Variants in DOP1B observed in about 807,000 individuals in gnomAD.
The protein encoded by DOP1B is DOP1 leucine zipper like protein B.
A neutral mutation model predicts 233.5 loss-of-function variants in DOP1B; 174 were observed. The ratio of observed to expected loss-of-function variants is 0.75; its 90% CI spans 0.66 to 0.85. The LOEUF is 0.85. Ranked by LOEUF, DOP1B falls within the 40% of genes least tolerant of loss-of-function variation. The probability of loss-of-function intolerance (pLI) is 0.00; values close to 1 mark genes in which losing one functional copy is unlikely to be tolerated. For missense variants in DOP1B, 2,652 were observed against 2,846.6 expected (o/e 0.93, Z 1.56); for synonymous variants, 1,190 against 1,185.6 (o/e 1.00, Z -0.08).
At chr21:36,242,410 A>G (rs1485699740) in intron 18 of DOP1B, among the ~76,000 whole-genome samples, 6 of 152,084 alleles carry the variant, frequency 3.9e-5, no homozygotes, top group Non-Finnish European at 5.9e-5. Context: ...CCTGACCTCA[A>G]GTGATCCATG....
rs141435178 is a variant in DOP1B at position 36,261,128 on chromosome 21, G to T, written c.5315+396G>T. 1,034 of 986,176 alleles carry T rather than the reference G, an allele frequency of 1.0e-3. 5 individuals are homozygous for T. In the African/African-American group the frequency reaches 0.017, roughly 16 times the overall value. The allele number at this position is 986,176 out of a possible 1,614,324, so 61.1% of individuals were successfully genotyped here. ...ACCTGCAATCCCAGCACTTTGGGAG[G>T]TGGAGGCAGGCGGATCACTTGAGGC... On this transcript the variant is annotated intron_variant, in intron 24 of 36. Transcript: ENST00000691173.
At chr21:36,157,982 G>A (rs8132958) in intron 1 of DOP1B, among the ~76,000 whole-genome samples, 60,013 of 151,074 alleles carry the variant, frequency 0.4, 12,443 homozygotes, top group Admixed American at 0.48. Context: ...TTATTATTTT[G>A]AGACGAAGGT....
At chr21:36,257,630 AT>A in intron 23 of DOP1B, among the ~76,000 whole-genome samples, 1 of 152,156 alleles carries the variant, frequency 6.6e-6, no homozygotes, top group Non-Finnish European at 1.5e-5. Context: ...AGATAGATAG[AT>A]AGATAGATAG....
At chr21:36,212,978 C>T (rs1375037794) in intron 7 of DOP1B, among the ~76,000 whole-genome samples, 3 of 152,136 alleles carry the variant, frequency 2.0e-5, no homozygotes, top group Non-Finnish European at 2.9e-5. Context: ...GATGGGGTTT[C>T]GCCCTGTTGG....
chr21:36,160,048 T>G (rs995481990), intron 1 of DOP1B, among the ~76,000 whole-genome samples: 2 of 152,162 alleles, frequency 1.3e-5, no homozygotes, highest in African/African-American at 2.4e-5. Flanking sequence ...GTTTAGACAC[T>G]TAGTAGAGTG....
chr21:36,251,250 G>A lies in DOP1B; in HGVS notation c.5087G>A (p.Ser1696Asn), dbSNP rs1443752260. 2.5e-6 allele frequency: 4 copies of A among 1,613,824 alleles called. No individual in the cohort carries two copies. The highest frequency in any genetic ancestry group is 1.6e-4 in the Middle Eastern group (1 of 6,084). ...ACAGCGGCTGTTGCGGCAGTGTGGA[G>A]CAGAAAGAAAGCCCAGCGTCACAGT... ...QLTAAVAAVW[S>N]RKKAQRHSKM... Residue 1696 changes from serine (S) to asparagine (N), a missense_variant, in exon 22 of 37, where the codon AGC (serine) becomes AAC (asparagine). Ser to Asn is a conservative substitution (Grantham distance 46, BLOSUM62 1). This residue lies in a region of DOP1B where 2,617 missense variants were observed against 2,794.3 expected (regional missense o/e 0.94). Coordinates refer to ENST00000691173, the MANE Select transcript of DOP1B (RefSeq NM_001320714.2).
chr21:36,284,412 A>T (rs1006946693), intron 32 of DOP1B, among the ~76,000 whole-genome samples: 1 of 151,884 alleles, frequency 6.6e-6, no homozygotes, highest in Non-Finnish European at 1.5e-5. Context: ...CTGAGATTAC[A>T]GGCACACAAC....
At chr21:36,192,148 C>T (rs993921952) in intron 2 of DOP1B, among the ~76,000 whole-genome samples, 9 of 151,976 alleles carry the variant, frequency 5.9e-5, no homozygotes, top group African/African-American at 1.7e-4. Context: ...TGCTTAAGCT[C>T]AGGAGTTTGA....
intron 16 of DOP1B, among the ~76,000 whole-genome samples, chr21:36,237,697 T>C (rs1209609673): frequency 1.3e-5 from 2 of 152,142 alleles, no homozygotes; most frequent in Admixed American, 6.6e-5. Context: ...TCTGCAGGTG[T>C]TGGCAAAATA....
At chr21:36,270,395 GTAAAAAA>G in intron 27 of DOP1B, among the ~76,000 whole-genome samples, 2 of 150,004 alleles carry the variant, frequency 1.3e-5, no homozygotes, top group African/African-American at 5.0e-5. Context: ...TCTACTAAAA[GTAAAAAA>G]ATCAGCTGGG....
intron 30 of DOP1B, among the ~76,000 whole-genome samples, chr21:36,279,379 C>G (rs1601477980): frequency 6.6e-6 from 1 of 152,170 alleles, no homozygotes. Flanking sequence ...GATTGTGCCA[C>G]TGCACTCCAG....
chr21:36,215,423 C>G (rs1021322361), intron 9 of DOP1B, among the ~76,000 whole-genome samples: 2 of 152,020 alleles, frequency 1.3e-5, no homozygotes, highest in African/African-American at 4.8e-5. Context: ...GAATGAATGG[C>G]AGAGTCTCGC....
At chr21:36,182,694 C>T (rs377088588) in intron 2 of DOP1B, among the ~76,000 whole-genome samples, 3 of 152,042 alleles carry the variant, frequency 2.0e-5, no homozygotes, top group Admixed American at 2.0e-4. Context: ...CCAGGTGTGA[C>T]GGTGTGTACC....
rs1385274907 is a variant in DOP1B at position 36,280,288 on chromosome 21, G to A, written c.5973G>A (p.Trp1991Ter). Residue 1991 changes from tryptophan (W) to a stop codon, truncating the protein, a stop_gained, in exon 31 of 37, where the codon TGG (tryptophan) becomes TGA (stop). Transcript: ENST00000691173. LOFTEE classifies it high-confidence loss of function. Reference sequence around the variant, plus strand: ...TTTTGCTTTCTTTAATATCCAGTTGGAAGTCCATTATTGACCATCTTTTGA... The same window carrying A: ...TTTTGCTTTCTTTAATATCCAGTTGAAAGTCCATTATTGACCATCTTTTGA... Reference protein sequence around the residue: ...FFQMDTSCVHWKSIIDHLLTH... With the variant: ...FFQMDTSCVH 2 of 1,603,622 alleles carry A rather than the reference G, an allele frequency of 1.2e-6. No homozygotes were observed. Among genetic ancestry groups the A allele is most frequent in the Non-Finnish European group, 1.7e-6 (2 of 1,173,594 alleles).
chr21:36,278,641 G>A (rs892727633), intron 30 of DOP1B, among the ~76,000 whole-genome samples: 1 of 152,214 alleles, frequency 6.6e-6, no homozygotes, highest in Non-Finnish European at 1.5e-5. Flanking sequence ...GCTAAGGTGG[G>A]TGGATCACCT....
At chr21:36,201,056 T>G (rs1201586255) in intron 4 of DOP1B, among the ~76,000 whole-genome samples, 1 of 152,118 alleles carries the variant, frequency 6.6e-6, no homozygotes, top group Non-Finnish European at 1.5e-5. Flanking sequence ...AGGGAGACCA[T>G]AGTGCAGGGT....
At chr21:36,206,277 A>G (rs2066424356) in intron 4 of DOP1B, among the ~76,000 whole-genome samples, 1 of 152,142 alleles carries the variant, frequency 6.6e-6, no homozygotes, top group Non-Finnish European at 1.5e-5. Context: ...TCACACCTGT[A>G]GTCCCAGCAC....
In DOP1B at chr21:36,253,892, G is replaced by T; in HGVS notation, c.5242G>T (p.Val1748Phe). ...GGAGGTGGTGAAGAGGCCACCCCAA[G>T]TCAAAGGGGGTGATGAGGTGAGGAG... ...VKEVVKRPPQVKGGDEKSPLV... is the reference protein window; with the variant it reads ...VKEVVKRPPQFKGGDEKSPLV... Residue 1748 changes from valine to phenylalanine, a missense_variant, in exon 23 of 37, where the codon GTC (valine) becomes TTC (phenylalanine). Val to Phe is a conservative substitution (Grantham distance 50). Transcript: ENST00000691173. 4.3e-6 allele frequency: 7 copies of T among 1,613,956 alleles called. No individual in the cohort carries two copies. Among genetic ancestry groups the T allele is most frequent in the Non-Finnish European group, 5.9e-6 (7 of 1,179,980 alleles).
chr21:36,180,334 T>A (rs577879929), intron 2 of DOP1B, among the ~76,000 whole-genome samples: 1 of 152,056 alleles, frequency 6.6e-6, no homozygotes, highest in Admixed American at 6.5e-5. Context: ...TTTGGGAGGC[T>A]GAGGCAGGCA....
Sources: allele counts gnomAD v4.1 joint callset (sites outside exome capture counted in the v4.1 genomes callset), GRCh38; gene constraint gnomAD v4.1.1; regional missense constraint gnomAD v4.1.1; transcripts MANE v1.5; gene names NCBI Gene and HGNC (gene_info 2026-07-23, HGNC 2026-07-21).